Variants in PGAM5 observed in about 807,000 individuals in gnomAD.
PGAM5 encodes the protein serine/threonine-protein phosphatase PGAM5, mitochondrial.
In PGAM5, 25 loss-of-function variants were observed where a neutral mutation model predicts 30.6. That is an observed-to-expected ratio of 0.82 (90% CI 0.60 to 1.14). The LOEUF (loss-of-function observed/expected upper bound fraction) is 1.14. Among genes scored for constraint, PGAM5 ranks in the 50% most tolerant of loss-of-function variants. The pLI is 0.00. For missense variants in PGAM5, 384 were observed against 408.5 expected (o/e 0.94, Z 0.52); for synonymous variants, 201 against 179.1 (o/e 1.12, Z -0.98).
Position 132,717,814 on chromosome 12 carries a change from G to T in PGAM5, c.585+16G>T. 6.3e-7 allele frequency: 1 copy of T among 1,578,292 alleles called. No individual in the cohort carries two copies. Among genetic ancestry groups the T allele is most frequent in the Non-Finnish European group, 8.6e-7 (1 of 1,162,358 alleles). ...GGAAGCTGTGGTAAAAACCTCCCCG[G>T]GGGGCAGCTGTGTCACCCTCGCCTT... On this transcript the variant is annotated intron_variant, in intron 4 of 5. Transcript: ENST00000498926.
rs759793267 is a variant in PGAM5, at chr12:132,717,748, G to A, written c.535G>A (p.Ala179Thr). The A allele has an allele frequency of 3.8e-6, 6 of 1,583,842 alleles. No individual in the cohort carries two copies. The highest frequency in any genetic ancestry group is 1.7e-4 in the Middle Eastern group (1 of 5,952). Residue 179 changes from alanine (A) to threonine (T), a missense_variant, in exon 4 of 6, where the codon GCC becomes ACC. Coordinates refer to ENST00000498926, the MANE Select transcript of PGAM5 (RefSeq NM_001170543.2). ...KVSTDLLREG[A>T]PIEPDPPVSH... Reference sequence around the variant, plus strand: ...CAGCACAGATCTGCTGCGGGAAGGCGCCCCCATCGAGCCAGACCCGCCCGT... The same window carrying A: ...CAGCACAGATCTGCTGCGGGAAGGCACCCCCATCGAGCCAGACCCGCCCGT...
chr12:132,718,205 T>C (rs1272500502), intron 5 of PGAM5, 85 bp downstream of exon 5: 3 of 1,545,418 alleles, frequency 1.9e-6, no homozygotes, highest in African/African-American at 1.4e-5. Context: ...GAGACCCTCC[T>C]CCACTGCCGA....
intron 2 of PGAM5, among the ~76,000 whole-genome samples, chr12:132,715,972 C>T (rs1219157386): frequency 6.6e-6 from 1 of 152,190 alleles, no homozygotes; most frequent in South Asian, 2.1e-4. Flanking sequence ...GATTTTATAC[C>T]TGCTTGATGC....
chr12:132,719,004 G>T (rs1439308389), intron 5 of PGAM5: 4 of 1,436,900 alleles, frequency 2.8e-6, no homozygotes, highest in Admixed American at 5.6e-5. Context: ...GGTTCAGGTT[G>T]CGTTTTCCCT....
Position 132,722,312 on chromosome 12 carries a change from G to T in PGAM5, c.*1484G>T, listed in dbSNP as rs1179719059. 2 of 150,360 alleles carry T rather than the reference G, an allele frequency of 1.3e-5. No homozygotes were observed. The highest frequency in any genetic ancestry group is 3.0e-5 in the Non-Finnish European group (2 of 67,730). 9.3% of individuals were successfully genotyped at this position (150,360 alleles called of 1,614,324 possible). On this transcript the variant is annotated 3_prime_UTR_variant, in exon 6 of 6. Coordinates refer to ENST00000498926, the MANE Select transcript of PGAM5 (RefSeq NM_001170543.2). ...GTCACCCAGGCTGGAGTGCAGTGGC[G>T]CGATCTCGGCTCACTGCAACCTCTG...
Position 132,717,769 on chromosome 12 carries a change from C to T in PGAM5, c.556C>T (p.Pro186Ser), listed in dbSNP as rs2043596718. Residue 186 changes from proline (P) to serine (S), a missense_variant, in exon 4 of 6, where the codon CCC (proline) becomes TCC (serine). By Grantham distance (74) the Pro-to-Ser change is moderately conservative. Transcript: ENST00000498926. ...AGGCGCCCCCATCGAGCCAGACCCGCCCGTGTCTCATTGGAAGCCGGAAGC... is the reference window on the plus strand; with the variant it reads ...AGGCGCCCCCATCGAGCCAGACCCGTCCGTGTCTCATTGGAAGCCGGAAGC... ...REGAPIEPDP[P>S]VSHWKPEAVQ... 1 of 1,588,160 alleles carries T rather than the reference C, an allele frequency of 6.3e-7. No individual in the cohort carries two copies. The highest frequency in any genetic ancestry group is 2.3e-5 in the East Asian group (1 of 43,562).
chr12:132,721,658 G>C lies in PGAM5; in HGVS notation c.*830G>C, dbSNP rs973405454. 6.6e-6 allele frequency: 1 copy of C among 152,224 alleles called. No homozygotes were observed. Among genetic ancestry groups the C allele is most frequent in the African/African-American group, 2.4e-5 (1 of 41,420 alleles). The allele number at this position is 152,224 out of a possible 1,614,324, so 9.4% of individuals were successfully genotyped here. On this transcript the variant is annotated 3_prime_UTR_variant, in exon 6 of 6. Transcript: ENST00000498926. ...GGCTGGAGTGCAGTGGTGCGATCTC[G>C]GCTCACCGCAACCTCTGCCTCCTGG...
chr12:132,718,618 G>T (rs1441360302), intron 5 of PGAM5: 1 of 740,718 alleles, frequency 1.4e-6, no homozygotes, highest in South Asian at 1.5e-5. Flanking sequence ...TCCTGGGTGG[G>T]GTGCGTGCTG....
At chr12:132,719,112 GCC>G in intron 5 of PGAM5, 1 of 1,365,522 alleles carries the variant, frequency 7.3e-7, no homozygotes, top group Non-Finnish European at 9.4e-7. Context: ...ACGGTTACAT[GCC>G]TGAAACAGTC....
At position 132,710,916 on chromosome 12, in the gene PGAM5, C is replaced by G. The variant is rs2043515113; in HGVS notation, c.40C>G (p.Leu14Val). 1.7e-6 allele frequency: 2 copies of G among 1,153,718 alleles called. No homozygotes were observed. Among genetic ancestry groups the G allele is most frequent in the Middle Eastern group, 3.6e-4 (1 of 2,792 alleles). 71.5% of individuals were successfully genotyped at this position (1,153,718 alleles called of 1,614,324 possible). A position where few individuals can be genotyped will look rare whatever the true frequency, so the allele number is the denominator to read the frequency against. Residue 14 changes from leucine (L) to valine (V), a missense_variant, in exon 1 of 6, where the codon CTG becomes GTG. Transcript: ENST00000498926. ...GGCGCTGCAGCTGGCGGCCTGCGGGCTGGCCGGGGGCTCGGCCGCCGTGCT... is the reference window on the plus strand; with the variant it reads ...GGCGCTGCAGCTGGCGGCCTGCGGGGTGGCCGGGGGCTCGGCCGCCGTGCT... ...RQALQLAACG[L>V]AGGSAAVLFS...
intron 2 of PGAM5, 95 bp downstream of exon 2, chr12:132,715,131 C>G: frequency 7.7e-7 from 1 of 1,291,926 alleles, no homozygotes. Flanking sequence ...GGTGCAGGTC[C>G]TCCGCCGACC....
rs1022594385 is a variant in PGAM5 at position 132,721,138 on chromosome 12, G to A, written c.*310G>A. The A allele has an allele frequency of 6.9e-5, 16 of 232,084 alleles. No individual in the cohort carries two copies. Among genetic ancestry groups the A allele is most frequent in the Non-Finnish European group, 1.2e-4 (14 of 119,102 alleles). The allele number at this position is 232,084 out of a possible 1,614,324, so 14.4% of individuals were successfully genotyped here. The stretch of plus-strand genomic sequence containing the variant: ...CCATGTTCGCACCCACAGCTGACCC[G>A]TGCTGAGGGTCCAGGCTCCATTGGC... On this transcript the variant is annotated 3_prime_UTR_variant, in exon 6 of 6. Transcript: ENST00000498926.
At chr12:132,720,438 G>C (rs1024028474) in intron 5 of PGAM5, among the ~76,000 whole-genome samples, 1 of 151,976 alleles carries the variant, frequency 6.6e-6, no homozygotes, top group African/African-American at 2.4e-5. Flanking sequence ...CTCCCAAGTA[G>C]CTGGGACTAC....
At chr12:132,713,604 C>T (rs1021413778) in intron 1 of PGAM5, among the ~76,000 whole-genome samples, 4 of 152,186 alleles carry the variant, frequency 2.6e-5, no homozygotes, top group South Asian at 2.1e-4. Context: ...CTTCCTTTTC[C>T]GCCACTGTCT....
chr12:132,715,558 G>A (rs1204044136), intron 2 of PGAM5, among the ~76,000 whole-genome samples: 12 of 121,282 alleles, frequency 9.9e-5, no homozygotes, highest in Admixed American at 4.0e-4. Flanking sequence ...GCGACAGAGC[G>A]AGACTCCGTC....
Position 132,720,632 on chromosome 12 carries a change from C to A in PGAM5, c.720-46C>A, listed in dbSNP as rs539497621. ...AGCTCAGCCCGTTTTAAGGACAGAG[C>A]CCCCTGGCTCTAACGTGCTCTTTCT... is the stretch of plus-strand genomic sequence containing the variant. On this transcript the variant is annotated intron_variant, in intron 5 of 5. Coordinates refer to ENST00000498926, the MANE Select transcript of PGAM5 (RefSeq NM_001170543.2). 6.6e-6 allele frequency: 10 copies of A among 1,510,784 alleles called. No homozygotes were observed. In the Admixed American group the frequency reaches 1.0e-4, roughly 15 times the overall value. The allele number at this position is 1,510,784 out of a possible 1,614,324, so 93.6% of individuals were successfully genotyped here.
intron 4 of PGAM5, 38 bp downstream of exon 4, chr12:132,717,836 C>T: frequency 3.8e-6 from 6 of 1,580,496 alleles, no homozygotes; most frequent in Non-Finnish European, 2.6e-6. Flanking sequence ...GTCACCCTCG[C>T]CTTCCCTGGG....
rs2043656854 is a variant in PGAM5, at chr12:132,722,537, C to T, written c.*1709C>T. 6.6e-6 allele frequency: 1 copy of T among 150,626 alleles called. No homozygotes were observed. The highest frequency in any genetic ancestry group is 2.1e-4 in the South Asian group (1 of 4,734). 9.3% of individuals were successfully genotyped at this position (150,626 alleles called of 1,614,324 possible). ...TGCTGGGATTACAGGCGTGAGCTAG[C>T]ATGCCTGGCCAGGGATTAAAATATT... On this transcript the variant is annotated 3_prime_UTR_variant, in exon 6 of 6. Coordinates refer to ENST00000498926, the MANE Select transcript of PGAM5 (RefSeq NM_001170543.2).
Position 132,722,173 on chromosome 12 carries a change from T to C in PGAM5, c.*1345T>C, listed in dbSNP as rs2043651656. 6.6e-6 allele frequency: 1 copy of C among 152,010 alleles called. No individual in the cohort carries two copies. Among genetic ancestry groups the C allele is most frequent in the Non-Finnish European group, 1.5e-5 (1 of 68,018 alleles). 9.4% of individuals were successfully genotyped at this position (152,010 alleles called of 1,614,324 possible). A position where few individuals can be genotyped will look rare whatever the true frequency, so the allele number is the denominator to read the frequency against. On this transcript the variant is annotated 3_prime_UTR_variant, in exon 6 of 6. Transcript: ENST00000498926. Reference sequence around the variant, plus strand: ...AGGGGGTTACCCTTATTGAGTAAAATACTTCAGATTGACAGCTCAATCTTA... The same window carrying C: ...AGGGGGTTACCCTTATTGAGTAAAACACTTCAGATTGACAGCTCAATCTTA...
Sources: allele counts gnomAD v4.1 joint callset (sites outside exome capture counted in the v4.1 genomes callset), GRCh38; gene constraint gnomAD v4.1.1; transcripts MANE v1.5; gene names NCBI Gene and HGNC (gene_info 2026-07-23, HGNC 2026-07-21).